The following MYO1E variants were observed in gnomAD, a reference collection of about 807,000 sequenced individuals.
MYO1E encodes the protein unconventional myosin-Ie.
MYO1E carries 68 observed loss-of-function variants against 151.1 expected under a neutral mutation model. That is an observed-to-expected ratio of 0.45 (90% CI 0.37 to 0.55). The LOEUF (loss-of-function observed/expected upper bound fraction) is 0.55. Ranked by LOEUF, MYO1E falls within the 20% of genes least tolerant of loss-of-function variation. MYO1E has a pLI of 0.00. For synonymous variants in MYO1E, 601 were observed against 501.7 expected (o/e 1.20, Z -2.64); for missense variants, 1,363 against 1,389.3 (o/e 0.98, Z 0.30).
At chr15:59,155,447 C>A (rs2079504454) in intron 25 of MYO1E, among the ~76,000 whole-genome samples, 1 of 152,284 alleles carries the variant, frequency 6.6e-6, no homozygotes, top group South Asian at 2.1e-4. Context: ...TCACCACAGA[C>A]AGTTTGAGAA....
Position 59,153,778 on chromosome 15 carries a change from G to C in MYO1E, c.2892C>G (p.Asn964Lys). The change falls in exon 26 of 28, where the codon AAC (asparagine) becomes AAG (lysine). Residue 964 changes from asparagine to lysine, a missense_variant. Physicochemically the swap from Asn to Lys is moderately conservative, Grantham distance 94. Transcript: ENST00000288235. ...GCACATACTGGTTTCTGATGACTCC[G>C]TTCTGATGGTATCCTAGAGAGAGGA... ...AAPPPPGYHQ[N>K]GVIRNQYVPY... 1 of 1,613,362 alleles carries C rather than the reference G, an allele frequency of 6.2e-7. No homozygotes were observed. Among genetic ancestry groups the C allele is most frequent in the Non-Finnish European group, 8.5e-7 (1 of 1,179,286 alleles).
At chr15:59,178,289 G>A in intron 19 of MYO1E, 104 bp downstream of exon 19, 1 of 1,412,066 alleles carries the variant, frequency 7.1e-7, no homozygotes. Context: ...CAACATTGAT[G>A]GCATGAAGCG....
At chr15:59,328,495 A>T (rs941239199) in intron 1 of MYO1E, among the ~76,000 whole-genome samples, 35 of 151,770 alleles carry the variant, frequency 2.3e-4, no homozygotes, top group African/African-American at 8.2e-4. Context: ...CCTCTATGAA[A>T]CCCCAGTTGT....
chr15:59,271,396 C>T (rs1486606069), intron 2 of MYO1E, among the ~76,000 whole-genome samples: 1 of 152,216 alleles, frequency 6.6e-6, no homozygotes, highest in Non-Finnish European at 1.5e-5. Context: ...TCAGAAGGCA[C>T]TATTGGCATC....
chr15:59,366,632 T>C (rs898283459), intron 1 of MYO1E, among the ~76,000 whole-genome samples: 1 of 152,206 alleles, frequency 6.6e-6, no homozygotes, highest in East Asian at 1.9e-4. Context: ...GTTTGAGTTC[T>C]ATGGGTTGTC....
rs59491381 is a variant in MYO1E, at chr15:59,319,550, C to CTTTTTTTTTTTTTTT, written c.4-47116_4-47102dup. On this transcript the variant is annotated intron_variant, in intron 1 of 27. Coordinates refer to ENST00000288235, the MANE Select transcript of MYO1E (RefSeq NM_004998.4). ...AAGATAGGAAAAGAAGTCAAACTACCTTTTTTTTTTTTTTTTTTTTTTTTT... is the reference window on the plus strand; with the variant it reads ...AAGATAGGAAAAGAAGTCAAACTACCTTTTTTTTTTTTTTTTTTTTTTTTTTTTTTTTTTTTTTTT... 1.1e-3 allele frequency among the ~76,000 whole-genome samples: 71 copies of CTTTTTTTTTTTTTTT among 63,706 alleles called. 4 individuals are homozygous for CTTTTTTTTTTTTTTT. The highest frequency in any genetic ancestry group is 1.6e-3 in the African/African-American group (36 of 22,410). The allele number at this position is 63,706 out of a possible 152,430, so 41.8% of individuals were successfully genotyped here.
intron 26 of MYO1E, among the ~76,000 whole-genome samples, chr15:59,140,222 ATCT>A (rs2079401345): frequency 6.6e-6 from 1 of 152,086 alleles, no homozygotes; most frequent in Non-Finnish European, 1.5e-5. Context: ...CCTAATCCAG[ATCT>A]TCTAGCTTTA....
chr15:59,291,600 T>C (rs1596403094), intron 1 of MYO1E, among the ~76,000 whole-genome samples: 1 of 137,160 alleles, frequency 7.3e-6, no homozygotes, highest in Non-Finnish European at 1.5e-5. Context: ...CTTTGGGAGG[T>C]CAAGGCGTGC....
At chr15:59,339,893 C>A (rs1263734595) in intron 1 of MYO1E, among the ~76,000 whole-genome samples, 1 of 150,372 alleles carries the variant, frequency 6.7e-6, no homozygotes, top group African/African-American at 2.5e-5. Flanking sequence ...TGTCGCCTAG[C>A]CTGGAATGCG....
intron 3 of MYO1E, among the ~76,000 whole-genome samples, chr15:59,257,173 T>C (rs1290173979): frequency 6.6e-6 from 1 of 152,222 alleles, no homozygotes; most frequent in East Asian, 1.9e-4. Flanking sequence ...CAAAAATTAC[T>C]AAAAAGAGAA....
At chr15:59,291,056 T>C (rs913924020) in intron 1 of MYO1E, among the ~76,000 whole-genome samples, 1 of 152,132 alleles carries the variant, frequency 6.6e-6, no homozygotes, top group South Asian at 2.1e-4. Context: ...GAAGTCAACA[T>C]CACCACCTCA....
chr15:59,358,696 G>A (rs1260622906), intron 1 of MYO1E, among the ~76,000 whole-genome samples: 6 of 152,142 alleles, frequency 3.9e-5, no homozygotes, highest in Non-Finnish European at 8.8e-5. Context: ...TTTATATAAA[G>A]TAAAAACTTT....
Position 59,230,734 on chromosome 15 carries a change from C to A in MYO1E, c.510+968G>T, listed in dbSNP as rs562497114. Among the ~76,000 whole-genome samples, 9 of 152,234 alleles carry A rather than the reference C, an allele frequency of 5.9e-5. No individual in the cohort carries two copies. The East Asian group carries it at 1.7e-3, about 29-fold the overall frequency. On this transcript the variant is annotated intron_variant, in intron 6 of 27. Transcript: ENST00000288235. Reference sequence around the variant, plus strand: ...GAACTTGACAGTTATTATATGAGCACATAGTAAAAATTCTCTTGGAAATAG... The same window carrying A: ...GAACTTGACAGTTATTATATGAGCAAATAGTAAAAATTCTCTTGGAAATAG...
chr15:59,194,249 G>A lies in MYO1E; in HGVS notation c.1805+1212C>T, dbSNP rs79278541. 2.9e-3 allele frequency among the ~76,000 whole-genome samples: 441 copies of A among 152,260 alleles called. 18 individuals carry two copies. The East Asian group carries it at 0.078, about 27-fold the overall frequency. ...CAGAACATAGTGGCCTGAAAAGATG[G>A]CAGCTCTTACATCCAAGCAGCCTGG... On this transcript the variant is annotated intron_variant, in intron 17 of 27. Coordinates refer to ENST00000288235, the MANE Select transcript of MYO1E (RefSeq NM_004998.4).
chr15:59,238,917 A>G (rs2080082421), intron 4 of MYO1E, among the ~76,000 whole-genome samples: 1 of 150,002 alleles, frequency 6.7e-6, no homozygotes, highest in Non-Finnish European at 1.5e-5. Flanking sequence ...TTTTTTTTAG[A>G]TTTTTATGCC....
At chr15:59,299,114 C>T (rs527537473) in intron 1 of MYO1E, among the ~76,000 whole-genome samples, 23 of 152,246 alleles carry the variant, frequency 1.5e-4, no homozygotes, top group Non-Finnish European at 2.6e-4. Context: ...ACATGTTTTA[C>T]AAGCCTGGAG....
intron 3 of MYO1E, among the ~76,000 whole-genome samples, chr15:59,259,892 T>C (rs1415366490): frequency 6.6e-6 from 1 of 152,142 alleles, no homozygotes; most frequent in Non-Finnish European, 1.5e-5. Flanking sequence ...CATCACTCAG[T>C]AGATTTTAGT....
At chr15:59,262,477 C>T (rs1017930305) in intron 2 of MYO1E, among the ~76,000 whole-genome samples, 11 of 151,866 alleles carry the variant, frequency 7.2e-5, no homozygotes, top group Non-Finnish European at 1.3e-4. Flanking sequence ...AAAACAAAAA[C>T]ATTAGCCAGG....
At chr15:59,164,934 G>A (rs149763356) in intron 22 of MYO1E, among the ~76,000 whole-genome samples, 1 of 152,252 alleles carries the variant, frequency 6.6e-6, no homozygotes, top group African/African-American at 2.4e-5. Context: ...AGGTCCTCAT[G>A]AATTGGATTA....
Sources: allele counts gnomAD v4.1 joint callset (sites outside exome capture counted in the v4.1 genomes callset), GRCh38; gene constraint gnomAD v4.1.1; transcripts MANE v1.5; gene names NCBI Gene and HGNC (gene_info 2026-07-23, HGNC 2026-07-21).